The following CHCHD6 variants were observed in gnomAD, a reference collection of about 807,000 sequenced individuals.
CHCHD6 encodes the protein MICOS complex subunit MIC25.
In CHCHD6, 28 loss-of-function variants were observed where a neutral mutation model predicts 32.3. The ratio of observed to expected loss-of-function variants is 0.87; its 90% CI spans 0.64 to 1.19. CHCHD6 has a LOEUF of 1.19. Ranked by LOEUF, CHCHD6 falls within the 50% of genes most tolerant of loss-of-function variation. The probability of loss-of-function intolerance (pLI) is 0.00; values close to 1 mark genes in which losing one functional copy is unlikely to be tolerated. For missense variants in CHCHD6, 333 were observed against 307.0 expected, an observed-to-expected ratio of 1.08 and a Z score of -0.63; for synonymous variants, 122 against 117.5, an observed-to-expected ratio of 1.04 and a Z score of -0.25.
At chr3:126,829,084 C>T in intron 4 of CHCHD6, among the ~76,000 whole-genome samples, 1 of 152,166 alleles carries the variant, frequency 6.6e-6, no homozygotes, top group East Asian at 1.9e-4. Flanking sequence ...ATAGATTTGG[C>T]ACCTTCTTTT....
rs188233047 is a variant in CHCHD6 at position 126,808,929 on chromosome 3, G to A, written c.412-43718G>A. 4.0e-3 allele frequency among the ~76,000 whole-genome samples: 609 copies of A among 152,116 alleles called. 2 individuals carry two copies. Among genetic ancestry groups the A allele is most frequent in the Non-Finnish European group, 6.9e-3 (469 of 67,996 alleles). Reference sequence around the variant, plus strand: ...AGATGTTATTGTCCGCAAGCAAAATGCATTGAGCATACCCAAAACTGTTGC... The same window carrying A: ...AGATGTTATTGTCCGCAAGCAAAATACATTGAGCATACCCAAAACTGTTGC... On this transcript the variant is annotated intron_variant, in intron 4 of 7. Transcript: ENST00000290913.
At chr3:126,935,472 T>C (rs1252041733) in intron 6 of CHCHD6, among the ~76,000 whole-genome samples, 1 of 152,180 alleles carries the variant, frequency 6.6e-6, no homozygotes, top group Non-Finnish European at 1.5e-5. Context: ...AAGGACAGCA[T>C]TGCATGGTTG....
At chr3:126,890,706 A>G (rs2077745964) in intron 5 of CHCHD6, among the ~76,000 whole-genome samples, 1 of 152,238 alleles carries the variant, frequency 6.6e-6, no homozygotes, top group South Asian at 2.1e-4. Context: ...TACTAAAGCA[A>G]CATTGTAAGA....
chr3:126,873,880 C>T (rs1173736492), intron 5 of CHCHD6, among the ~76,000 whole-genome samples: 1 of 152,190 alleles, frequency 6.6e-6, no homozygotes, highest in East Asian at 1.9e-4. Context: ...TTGCTCAAGG[C>T]CACACAGCTT....
chr3:126,884,172 C>G (rs1237464349), intron 5 of CHCHD6, among the ~76,000 whole-genome samples: 1 of 152,148 alleles, frequency 6.6e-6, no homozygotes, highest in African/African-American at 2.4e-5. Context: ...AGCTCCAAGC[C>G]CCGGGTTCTA....
chr3:126,765,981 C>G (rs139716900), intron 4 of CHCHD6, among the ~76,000 whole-genome samples: 1 of 152,076 alleles, frequency 6.6e-6, no homozygotes, highest in African/African-American at 2.4e-5. Flanking sequence ...GGAAGCAGGC[C>G]GGTGACTTTG....
chr3:126,837,726 G>T (rs1004137114), intron 4 of CHCHD6, among the ~76,000 whole-genome samples: 4 of 152,132 alleles, frequency 2.6e-5, no homozygotes, highest in African/African-American at 9.7e-5. Context: ...ACTGATTCTT[G>T]TTTTGTCATG....
At chr3:126,875,954 T>C (rs192588159) in intron 5 of CHCHD6, among the ~76,000 whole-genome samples, 15 of 152,370 alleles carry the variant, frequency 9.8e-5, no homozygotes, top group Middle Eastern at 6.8e-3. Flanking sequence ...GACTCAGCTA[T>C]TATTTTTTGA....
intron 5 of CHCHD6, among the ~76,000 whole-genome samples, chr3:126,882,904 C>G (rs1156979997): frequency 6.6e-6 from 1 of 152,192 alleles, no homozygotes; most frequent in Non-Finnish European, 1.5e-5. Flanking sequence ...CAGCTGGCAG[C>G]CCCTAGGCAG....
intron 5 of CHCHD6, among the ~76,000 whole-genome samples, chr3:126,875,717 G>T (rs2077531740): frequency 1.3e-5 from 2 of 152,224 alleles, no homozygotes; most frequent in East Asian, 1.9e-4. Flanking sequence ...CTAACCCGGG[G>T]AGGTAAAGGT....
intron 6 of CHCHD6, among the ~76,000 whole-genome samples, chr3:126,942,891 C>T (rs1318142974): frequency 1.3e-5 from 2 of 152,260 alleles, no homozygotes; most frequent in East Asian, 1.9e-4. Context: ...ACAGTGCATG[C>T]GTGAGGACTG....
intron 6 of CHCHD6, among the ~76,000 whole-genome samples, chr3:126,956,371 C>G (rs999427031): frequency 6.6e-6 from 1 of 152,212 alleles, no homozygotes; most frequent in Non-Finnish European, 1.5e-5. Context: ...TGAGCAGCAA[C>G]AGTACATCCA....
intron 4 of CHCHD6, among the ~76,000 whole-genome samples, chr3:126,825,646 ATCTT>A (rs1260822597): frequency 2.6e-5 from 4 of 152,180 alleles, no homozygotes; most frequent in Non-Finnish European, 2.9e-5. Context: ...TTTGTAAAAT[ATCTT>A]TCTTTATCTC....
At chr3:126,839,497 T>C (rs1940986901) in intron 4 of CHCHD6, among the ~76,000 whole-genome samples, 1 of 151,770 alleles carries the variant, frequency 6.6e-6, no homozygotes, top group South Asian at 2.1e-4. Flanking sequence ...TAAGGTGCAC[T>C]AATTTCATTT....
intron 4 of CHCHD6, among the ~76,000 whole-genome samples, chr3:126,810,491 GT>G: frequency 6.6e-6 from 1 of 152,276 alleles, no homozygotes; most frequent in Non-Finnish European, 1.5e-5. Flanking sequence ...GACTATTTAT[GT>G]GCTATTTGAT....
intron 4 of CHCHD6, among the ~76,000 whole-genome samples, chr3:126,780,947 TC>T (rs1032440887): frequency 1.3e-5 from 2 of 152,128 alleles, no homozygotes; most frequent in Admixed American, 1.3e-4. Context: ...AGGCATCCAG[TC>T]CTCACATCAG....
chr3:126,818,663 T>C (rs1438102665), intron 4 of CHCHD6, among the ~76,000 whole-genome samples: 1 of 152,190 alleles, frequency 6.6e-6, no homozygotes, highest in East Asian at 1.9e-4. Flanking sequence ...CACCATTACC[T>C]AGTGCCGCAG....
At position 126,852,731 on chromosome 3, in the gene CHCHD6, G is replaced by T. The variant is rs772758143; in HGVS notation, c.495+1G>T. 2 of 1,607,080 alleles carry T rather than the reference G, an allele frequency of 1.2e-6. No homozygotes were observed. The highest frequency in any genetic ancestry group is 8.5e-7 in the Non-Finnish European group (1 of 1,173,974). ...GCAGCTGGAGCGTATTGAGAGGAAG[G>T]TAAGACTCCTGCTTGGCTGCATTCC... On this transcript the variant is annotated splice_donor_variant, in intron 5 of 7. Coordinates refer to ENST00000290913, the MANE Select transcript of CHCHD6 (RefSeq NM_032343.3). LOFTEE classifies it high-confidence loss of function.
At position 126,879,118 on chromosome 3, in the gene CHCHD6, A is replaced by G. The variant is rs77091415; in HGVS notation, c.495+26388A>G. ...TGGTGGCTAGATTCCAAAAGCATGTAGGAGCACAAGGTGTTTTGCAGTCTA... is the reference window on the plus strand; with the variant it reads ...TGGTGGCTAGATTCCAAAAGCATGTGGGAGCACAAGGTGTTTTGCAGTCTA... On this transcript the variant is annotated intron_variant, in intron 5 of 7. Transcript: ENST00000290913. 1.0e-2 allele frequency among the ~76,000 whole-genome samples: 1,516 copies of G among 152,302 alleles called. 23 individuals carry two copies. The highest frequency in any genetic ancestry group is 0.034 in the African/African-American group (1,415 of 41,564).
Sources: gnomAD v4.1 joint callset for allele counts (sites outside exome capture counted in the v4.1 genomes callset) on GRCh38, gnomAD v4.1.1 for gene constraint, MANE v1.5 for transcripts, NCBI Gene and HGNC (gene_info 2026-07-23, HGNC 2026-07-21) for gene names.